SMARCA4: variants seen among roughly 807,000 people sequenced by gnomAD.
SMARCA4 encodes the protein SWI/SNF-related matrix-associated actin-dependent regulator of chromatin subfamily A member 4.
A neutral mutation model predicts 193.9 loss-of-function variants in SMARCA4; 31 were observed. The ratio of observed to expected loss-of-function variants is 0.16; its 90% CI spans 0.12 to 0.22. SMARCA4 has a LOEUF of 0.22. SMARCA4 is among the 10% of genes least tolerant of loss of function. The probability of loss-of-function intolerance (pLI) is 1.00; values close to 1 mark genes in which losing one functional copy is unlikely to be tolerated. For synonymous variants in SMARCA4, 942 were observed against 933.1 expected, an observed-to-expected ratio of 1.01 and a Z score of -0.17; for missense variants, 1,148 against 2,296.0, an observed-to-expected ratio of 0.50 and a Z score of 10.22.
At chr19:10,964,569 T>A (rs2145413135) in intron 1 of SMARCA4, among the ~76,000 whole-genome samples, 1 of 151,950 alleles carries the variant, frequency 6.6e-6, no homozygotes, top group Non-Finnish European at 1.5e-5. Context: ...CCTTGGCCCT[T>A]GGCCTCCCAA....
chr19:11,030,942 C>T lies in SMARCA4; in HGVS notation c.3546+49C>T, dbSNP rs2146605880. On this transcript the variant is annotated intron_variant, in intron 25 of 34. Transcript: ENST00000344626. This position sits in a 1 kb window ranked among gnomAD's most constrained non-coding sequence, Gnocchi z 5.5. ...TCGAGGAGAAGGAAGGGGGTGCCTG[C>T]AAAACCTCGAGGAGACGGCCCTGGC... is the stretch of plus-strand genomic sequence containing the variant. 1 of 1,563,186 alleles carries T rather than the reference C, an allele frequency of 6.4e-7. No individual in the cohort carries two copies. Among genetic ancestry groups the T allele is most frequent in the Non-Finnish European group, 8.7e-7 (1 of 1,146,494 alleles).
intron 1 of SMARCA4, among the ~76,000 whole-genome samples, chr19:10,979,612 C>T (rs1301736360): frequency 6.6e-6 from 1 of 151,540 alleles, no homozygotes; most frequent in Admixed American, 6.6e-5. Context: ...AGCGATCCTT[C>T]TGCCTTGGCC....
rs1248413872 is a variant in SMARCA4 at position 11,058,769 on chromosome 19, C to T, written c.4534-19C>T. On this transcript the variant is annotated intron_variant, in intron 31 of 34. Coordinates refer to ENST00000344626, the MANE Select transcript of SMARCA4 (RefSeq NM_003072.5). The surrounding 1 kb of genome is among the most constrained non-coding windows in gnomAD (Gnocchi z 5.8). ...AGGCGGGGTCCTGAGGTAAGACCTG[C>T]TCCTCCCGTCCACTGCAGGAGCGCA... 7 of 1,608,936 alleles carry T rather than the reference C, an allele frequency of 4.4e-6. No individual in the cohort carries two copies. The highest frequency in any genetic ancestry group is 6.0e-6 in the Non-Finnish European group (7 of 1,175,612).
chr19:11,015,274 G>T (rs1192469764), intron 16 of SMARCA4, among the ~76,000 whole-genome samples: 1 of 152,214 alleles, frequency 6.6e-6, no homozygotes, highest in African/African-American at 2.4e-5. Context: ...TACCAATCTT[G>T]TCAGTTTTCT....
intron 1 of SMARCA4, among the ~76,000 whole-genome samples, chr19:10,979,072 T>C (rs1219438700): frequency 6.6e-6 from 1 of 152,166 alleles, no homozygotes. Flanking sequence ...GATTGGACAT[T>C]GGCAACATTG....
intron 9 of SMARCA4, 185 bp downstream of exon 9, chr19:10,995,186 G>C: frequency 1.4e-6 from 1 of 696,742 alleles, no homozygotes; most frequent in Non-Finnish European, 2.6e-6. Flanking sequence ...TGATCTCTCT[G>C]ATCATCAGAA....
intron 29 of SMARCA4, among the ~76,000 whole-genome samples, chr19:11,038,713 C>T (rs1281000057): frequency 6.6e-6 from 1 of 151,714 alleles, no homozygotes; most frequent in African/African-American, 2.4e-5. Context: ...AGGCACAGTG[C>T]CCAGCTCACT....
Position 11,030,585 on chromosome 19 carries a change from C to A in SMARCA4, c.3383-145C>A. The A allele has an allele frequency of 2.8e-6, 2 of 721,320 alleles. No individual in the cohort carries two copies. Among genetic ancestry groups the A allele is most frequent in the Non-Finnish European group, 2.4e-6 (1 of 414,846 alleles). The allele number at this position is 721,320 out of a possible 1,614,324, so 44.7% of individuals were successfully genotyped here. ...CAGTTATTCGCCAGTGGCCCACAGG[C>A]CCGTGTGGAGAGTGCGGAGCCAGGG... On this transcript the variant is annotated intron_variant, in intron 24 of 34. Transcript: ENST00000344626. The surrounding 1 kb of genome is among the most constrained non-coding windows in gnomAD (Gnocchi z 5.5).
Position 10,985,084 on chromosome 19 carries a change from G to T in SMARCA4, c.223-189G>T, listed in dbSNP as rs1054925714. Reference sequence around the variant, plus strand: ...TGCTCCACTGGGCGACATTTATTTTGTGTACCTGTCTCGAGGCCTAAGTAG... The same window carrying T: ...TGCTCCACTGGGCGACATTTATTTTTTGTACCTGTCTCGAGGCCTAAGTAG... On this transcript the variant is annotated intron_variant, in intron 2 of 34. Coordinates refer to ENST00000344626, the MANE Select transcript of SMARCA4 (RefSeq NM_003072.5). The surrounding 1 kb of genome is among the most constrained non-coding windows in gnomAD (Gnocchi z 4.5). Among the ~76,000 whole-genome samples, 3 of 152,094 alleles carry T rather than the reference G, an allele frequency of 2.0e-5. No homozygotes were observed. The highest frequency in any genetic ancestry group is 7.2e-5 in the African/African-American group (3 of 41,412).
chr19:11,043,366 C>T (rs1305191038), intron 30 of SMARCA4, among the ~76,000 whole-genome samples: 4 of 152,168 alleles, frequency 2.6e-5, no homozygotes, highest in Non-Finnish European at 4.4e-5. Context: ...TATTCAAGTT[C>T]AATGCCAGAT....
chr19:10,964,631 T>C (rs1328751385), intron 1 of SMARCA4, among the ~76,000 whole-genome samples: 1 of 151,312 alleles, frequency 6.6e-6, no homozygotes, highest in Non-Finnish European at 1.5e-5. Context: ...TTTTTTTTTT[T>C]TCTTATGAGA....
In SMARCA4 at chr19:11,038,482, C is replaced by T. The variant is rs1056497474; in HGVS notation, c.4171-2825C>T. On this transcript the variant is annotated intron_variant, in intron 29 of 34. Transcript: ENST00000344626. The stretch of plus-strand genomic sequence containing the variant: ...TGCCCTCCATGCTGCTTCTTTGACC[C>T]GGTTGCCTTCCATCCTCCTGGGCCC... Among the ~76,000 whole-genome samples, 6 of 152,282 alleles carry T rather than the reference C, an allele frequency of 3.9e-5. No individual in the cohort carries two copies. The East Asian group carries it at 9.6e-4, about 24-fold the overall frequency.
intron 11 of SMARCA4, among the ~76,000 whole-genome samples, chr19:10,998,003 C>A (rs2087244513): frequency 6.6e-6 from 1 of 152,162 alleles, no homozygotes; most frequent in Admixed American, 6.6e-5. Context: ...TCCTGGGTCA[C>A]ATTTAGTGGA....
rs1555757591 is a variant in SMARCA4 at position 10,991,208 on chromosome 19, A to G, written c.1304A>G (p.Asn435Ser). 1.2e-6 allele frequency: 2 copies of G among 1,613,976 alleles called. No individual in the cohort carries two copies. The highest frequency in any genetic ancestry group is 1.7e-6 in the Non-Finnish European group (2 of 1,180,028). The change falls in exon 8 of 35, where the codon AAT becomes AGT. Residue 435 changes from asparagine to serine, a missense_variant. This residue lies in a region of SMARCA4 where 69 missense variants were observed against 186.9 expected (regional missense o/e 0.37). Coordinates refer to ENST00000344626, the MANE Select transcript of SMARCA4 (RefSeq NM_003072.5). Reference sequence around the variant, plus strand: ...GACACAGCGCTGGAGACAGCCCTCAATGCTAAGGCCTACAAGCGCAGCAAG... The same window carrying G: ...GACACAGCGCTGGAGACAGCCCTCAGTGCTAAGGCCTACAAGCGCAGCAAG... ...RRDTALETAL[N>S]AKAYKRSKRQ...
At position 10,986,288 on chromosome 19, in the gene SMARCA4, C is replaced by G. The variant is rs777272957; in HGVS notation, c.455C>G (p.Ala152Gly). 6.2e-7 allele frequency: 1 copy of G among 1,613,760 alleles called. No individual in the cohort carries two copies. Residue 152 changes from alanine (A) to glycine (G), a missense_variant, in exon 4 of 35, where the codon GCC (alanine) becomes GGC (glycine). Around this residue, in one of 17 missense-constraint regions of SMARCA4, gnomAD observed 201 missense variants for 248.3 expected, o/e 0.81. Transcript: ENST00000344626. The surrounding 1 kb of genome is among the most constrained non-coding windows in gnomAD (Gnocchi z 6.7). ...GPQMSSGPGG[A>G]PLDGADPQAL... ...CAGATGTCTTCCGGGCCAGGAGGTG[C>G]CCCGCTGGATGGTGCTGACCCCCAG... is the stretch of plus-strand genomic sequence containing the variant.
At chr19:11,028,883 G>A (rs184899551) in intron 24 of SMARCA4, among the ~76,000 whole-genome samples, 1 of 152,114 alleles carries the variant, frequency 6.6e-6, no homozygotes, top group Non-Finnish European at 1.5e-5. Context: ...TTCCCTACAC[G>A]ACCTCCCAGA....
chr19:10,995,116 G>A, intron 9 of SMARCA4, 115 bp downstream of exon 9: 1 of 987,396 alleles, frequency 1.0e-6, no homozygotes, highest in Non-Finnish European at 1.6e-6. Flanking sequence ...AGTTAGAGGT[G>A]GGACAGAGGG....
At position 11,041,353 on chromosome 19, in the gene SMARCA4, A is replaced by G. The variant is rs2075599157; in HGVS notation, c.4217A>G (p.Gln1406Arg). 6.2e-7 allele frequency: 1 copy of G among 1,612,606 alleles called. No homozygotes were observed. The highest frequency in any genetic ancestry group is 2.2e-5 in the East Asian group (1 of 44,878). ...GAGGAGATCGAAGAGGAGGTCCGGCAGAAGAAATCATCACGGAAGCGCAAG... is the reference window on the plus strand; with the variant it reads ...GAGGAGATCGAAGAGGAGGTCCGGCGGAAGAAATCATCACGGAAGCGCAAG... ...TLEEIEEEVR[Q>R]KKSSRKRKRD... The change falls in exon 30 of 35, where the codon CAG (glutamine) becomes CGG (arginine). Residue 1406 changes from glutamine to arginine, a missense_variant. Physicochemically the swap from Gln to Arg is conservative, Grantham distance 43. Around this residue, in one of 17 missense-constraint regions of SMARCA4, gnomAD observed 141 missense variants for 193.0 expected, o/e 0.73. Coordinates refer to ENST00000344626, the MANE Select transcript of SMARCA4 (RefSeq NM_003072.5). The surrounding 1 kb of genome is among the most constrained non-coding windows in gnomAD (Gnocchi z 5.6).
rs146543470 is a variant in SMARCA4, at chr19:11,060,020, G to A, written c.4769-25G>A. 4.0e-3 allele frequency: 6,412 copies of A among 1,592,066 alleles called. 191 individuals are homozygous for A. In the South Asian group the frequency reaches 0.048, roughly 12 times the overall value. ...TGCTGCATTCCCAGAGCTCAAGGCT[G>A]TCTTTCCCTCCCGGTCCCCTCCAGC... On this transcript the variant is annotated intron_variant, in intron 33 of 34. Coordinates refer to ENST00000344626, the MANE Select transcript of SMARCA4 (RefSeq NM_003072.5).
Sources: gnomAD v4.1 joint callset for allele counts (sites outside exome capture counted in the v4.1 genomes callset) on GRCh38, gnomAD v4.1.1 for gene constraint, gnomAD v4.1.1 regional missense constraint, Gnocchi (gnomAD v3.1) non-coding constraint, MANE v1.5 for transcripts, NCBI Gene and HGNC (gene_info 2026-07-23, HGNC 2026-07-21) for gene names.